Variants in TMEM232 observed in about 807,000 individuals in gnomAD.
The protein encoded by TMEM232 is transmembrane protein 232.
Under a neutral mutation model 78.8 loss-of-function variants are expected in TMEM232, and 80 were observed. That is an observed-to-expected ratio of 1.01 (90% CI 0.85 to 1.22). The LOEUF (loss-of-function observed/expected upper bound fraction) is 1.22, where lower values mean the gene tolerates loss of function less well. Ranked by LOEUF, TMEM232 falls within the 50% of genes most tolerant of loss-of-function variation. TMEM232 has a pLI of 0.00. For synonymous variants in TMEM232, 297 were observed against 254.3 expected, an observed-to-expected ratio of 1.17 and a Z score of -1.60; for missense variants, 881 against 742.2, an observed-to-expected ratio of 1.19 and a Z score of -2.17.
chr5:110,699,064 AC>A (rs1795146464), intron 1 of TMEM232, among the ~76,000 whole-genome samples: 1 of 149,546 alleles, frequency 6.7e-6, no homozygotes, highest in Non-Finnish European at 1.5e-5. Context: ...ACAAAACAAA[AC>A]AAAACAAAAC....
intron 1 of TMEM232, among the ~76,000 whole-genome samples, chr5:110,697,340 A>G (rs1794907497): frequency 6.6e-6 from 1 of 152,238 alleles, no homozygotes; most frequent in Non-Finnish European, 1.5e-5. Flanking sequence ...AAAACCATGA[A>G]AACTCTAGAA....
chr5:110,593,796 C>A (rs1779822184), intron 10 of TMEM232, among the ~76,000 whole-genome samples: 1 of 151,978 alleles, frequency 6.6e-6, no homozygotes, highest in Admixed American at 6.6e-5. Flanking sequence ...ATTTCTTGTA[C>A]TTTTACAAAT....
At chr5:110,417,618 C>CTTTTTTTTT (rs1181888424), downstream of TMEM232, 5 of 119,288 alleles carry the variant, frequency 4.2e-5, no homozygotes, top group Non-Finnish European at 8.9e-5. Flanking sequence ...TTTTCTTTTT[C>CTTTTTTTTT]TTTTTTTTTT....
chr5:110,700,415 T>C (rs1265199723), intron 1 of TMEM232, among the ~76,000 whole-genome samples: 2 of 152,132 alleles, frequency 1.3e-5, no homozygotes, highest in South Asian at 2.1e-4. Context: ...TTAGGGAAAC[T>C]GATAAACTGA....
At chr5:110,677,223 A>G (rs1283710979) in intron 1 of TMEM232, among the ~76,000 whole-genome samples, 3 of 149,550 alleles carry the variant, frequency 2.0e-5, no homozygotes, top group Non-Finnish European at 4.5e-5. Flanking sequence ...TTCTATGTTC[A>G]TTTTTTTTAA....
intron 11 of TMEM232, among the ~76,000 whole-genome samples, chr5:110,548,873 G>T (rs1774107708): frequency 6.6e-6 from 1 of 151,918 alleles, no homozygotes; most frequent in African/African-American, 2.4e-5. Context: ...CAACAGAAAA[G>T]GTTGACTTTT....
chr5:110,576,688 C>G (rs1777609544), intron 10 of TMEM232, among the ~76,000 whole-genome samples: 1 of 152,034 alleles, frequency 6.6e-6, no homozygotes, highest in Non-Finnish European at 1.5e-5. Flanking sequence ...AAAACAGATA[C>G]ATAGACCAAT....
Position 110,499,629 on chromosome 5 carries a change from C to CCCT in TMEM232, c.1703+28958_1703+28959insAGG, listed in dbSNP as rs200537522. Among the ~76,000 whole-genome samples, 826 of 119,718 alleles carry CCCT rather than the reference C, an allele frequency of 6.9e-3. 12 individuals carry two copies. The highest frequency in any genetic ancestry group is 0.026 in the African/African-American group (448 of 17,532). The allele number at this position is 119,718 out of a possible 152,430, so 78.5% of individuals were successfully genotyped here. A position where few individuals can be genotyped will look rare whatever the true frequency, so the allele number is the denominator to read the frequency against. On this transcript the variant is annotated intron_variant, in intron 12 of 13. Coordinates refer to ENST00000455884, the MANE Select transcript of TMEM232 (RefSeq NM_001039763.4). ...AGAGGGGAAAAATATATGTATACAC[C>CCCT]CCCCCCCACACACACACATATATAT...
At chr5:110,467,908 T>TA (rs775376541) in intron 12 of TMEM232, among the ~76,000 whole-genome samples, 4,323 of 152,250 alleles carry the variant, frequency 0.028, 68 homozygotes, top group African/African-American at 0.047. Context: ...GGGAATCTTC[T>TA]ATACTCTTTG....
At chr5:110,454,914 A>C (rs916634918) in intron 12 of TMEM232, among the ~76,000 whole-genome samples, 30 of 46,526 alleles carry the variant, frequency 6.4e-4, no homozygotes, top group African/African-American at 9.8e-4. Flanking sequence ...GTAAAGATTA[A>C]AAAAAAAAAA....
intron 10 of TMEM232, among the ~76,000 whole-genome samples, chr5:110,594,874 C>T (rs528712435): frequency 6.6e-6 from 1 of 152,322 alleles, no homozygotes; most frequent in Non-Finnish European, 1.5e-5. Flanking sequence ...TTCCTGCTGC[C>T]AGCTCTGAAT....
chr5:110,717,412 A>G (rs887592130), intron 1 of TMEM232, among the ~76,000 whole-genome samples: 1 of 152,118 alleles, frequency 6.6e-6, no homozygotes, highest in Non-Finnish European at 1.5e-5. Context: ...TGAAAAAGTC[A>G]TTTAAAAGGC....
chr5:110,604,026 GATTT>G (rs1251261225), intron 10 of TMEM232, among the ~76,000 whole-genome samples: 4 of 152,034 alleles, frequency 2.6e-5, no homozygotes, highest in Non-Finnish European at 5.9e-5. Context: ...GAAATTTAAT[GATTT>G]ATTTAATTAC....
At chr5:110,519,612 C>T (rs1326387659) in intron 12 of TMEM232, among the ~76,000 whole-genome samples, 1 of 151,988 alleles carries the variant, frequency 6.6e-6, no homozygotes, top group Admixed American at 6.6e-5. Context: ...TCATCAATCC[C>T]ACTGTTGGGC....
chr5:110,548,063 G>A (rs1200932243), intron 11 of TMEM232, among the ~76,000 whole-genome samples: 1 of 147,642 alleles, frequency 6.8e-6, no homozygotes, highest in Admixed American at 6.7e-5. Context: ...AACATCAGCA[G>A]AGGCTCACTG....
At chr5:110,455,052 T>A (rs1264991370) in intron 12 of TMEM232, among the ~76,000 whole-genome samples, 1 of 152,090 alleles carries the variant, frequency 6.6e-6, no homozygotes, top group African/African-American at 2.4e-5. Flanking sequence ...TTAGATGCAA[T>A]GGGCAAATTC....
intron 12 of TMEM232, among the ~76,000 whole-genome samples, chr5:110,482,597 A>ATT (rs1763998013): frequency 6.7e-6 from 1 of 149,240 alleles, no homozygotes; most frequent in African/African-American, 2.5e-5. Context: ...AAATTTATAT[A>ATT]TATATATATA....
At chr5:110,670,677 T>A (rs1038061096) in intron 1 of TMEM232, among the ~76,000 whole-genome samples, 1 of 152,108 alleles carries the variant, frequency 6.6e-6, no homozygotes. Flanking sequence ...CCATCCAGAC[T>A]GGGTCTAACT....
intron 12 of TMEM232, among the ~76,000 whole-genome samples, chr5:110,512,625 T>C (rs1377965516): frequency 6.6e-6 from 1 of 152,172 alleles, no homozygotes; most frequent in East Asian, 1.9e-4. Context: ...ACATCTGCCC[T>C]GGATACGAAC....
Sources: allele counts gnomAD v4.1 joint callset (sites outside exome capture counted in the v4.1 genomes callset), GRCh38; gene constraint gnomAD v4.1.1; transcripts MANE v1.5; gene names NCBI Gene and HGNC (gene_info 2026-07-23, HGNC 2026-07-21).